KRTCAP3: variants seen among roughly 807,000 people sequenced by gnomAD.
KRTCAP3 encodes keratinocyte associated protein 3, also known as keratinocyte-associated protein 3.
In KRTCAP3, 18 loss-of-function variants were observed where a neutral mutation model predicts 20.5. The ratio of observed to expected loss-of-function variants is 0.88; its 90% CI spans 0.61 to 1.31. The LOEUF is 1.31. Ranked by LOEUF, KRTCAP3 falls within the 50% of genes most tolerant of loss-of-function variation. KRTCAP3 has a pLI of 0.00. For missense variants in KRTCAP3, 347 were observed against 310.4 expected, an observed-to-expected ratio of 1.12 and a Z score of -0.89; for synonymous variants, 167 against 133.7, an observed-to-expected ratio of 1.25 and a Z score of -1.72.
intron 2 of KRTCAP3, 28 bp from the exon 3 acceptor site, chr2:27,442,814 C>A (rs767316976): frequency 5.6e-6 from 9 of 1,611,362 alleles, no homozygotes; most frequent in South Asian, 5.5e-5. Flanking sequence ...GAGAGCCCAG[C>A]AGGCCAAAGG....
downstream of KRTCAP3, chr2:27,446,256 T>G (rs1665087852): frequency 1.2e-6 from 2 of 1,613,832 alleles, no homozygotes; most frequent in Admixed American, 3.3e-5. Flanking sequence ...TTGTCCCAGC[T>G]CACCTTGGCA....
rs1664639303 is a variant in KRTCAP3, at chr2:27,442,398, G to A, written c.-15G>A. 6.4e-7 allele frequency: 1 copy of A among 1,551,040 alleles called. No individual in the cohort carries two copies. The highest frequency in any genetic ancestry group is 2.5e-5 in the East Asian group (1 of 40,784). On this transcript the variant is annotated 5_prime_UTR_variant, in exon 1 of 7. Transcript: ENST00000288873. ...GCCCAGGTACAGCGGCCCTGCGGCTGGCGCGGCGGACGGGATGAGGCGCTG... is the reference window on the plus strand; with the variant it reads ...GCCCAGGTACAGCGGCCCTGCGGCTAGCGCGGCGGACGGGATGAGGCGCTG...
At chr2:27,444,096 G>A (rs1350586483) in intron 6 of KRTCAP3, 35 bp downstream of exon 6, 1 of 1,238,584 alleles carries the variant, frequency 8.1e-7, no homozygotes, top group Non-Finnish European at 1.2e-6. Flanking sequence ...CCGGGTAAGA[G>A]CGGGGACAAG....
chr2:27,445,965 T>A, downstream of KRTCAP3: 1 of 1,614,234 alleles, frequency 6.2e-7, no homozygotes, highest in Non-Finnish European at 8.5e-7. This position sits in a 1 kb window ranked among gnomAD's most constrained non-coding sequence, Gnocchi z 4.4. Context: ...GGAAGATGAA[T>A]GCCATGTTAT....
At chr2:27,443,018 C>T (rs1327109897) in intron 3 of KRTCAP3, 56 bp from the exon 4 acceptor site, 1 of 1,573,038 alleles carries the variant, frequency 6.4e-7, no homozygotes, top group African/African-American at 1.3e-5. Flanking sequence ...GGTGTCTAGT[C>T]ACTGGGAGAG....
intron 1 of KRTCAP3, 61 bp from the exon 2 acceptor site, chr2:27,442,504 CCCGCGGTTAACCCG>C (rs928688667): frequency 6.5e-7 from 1 of 1,539,120 alleles, no homozygotes; most frequent in Non-Finnish European, 8.8e-7. Flanking sequence ...CGTCCTACTG[CCCGCGGTTAACCCG>C]CCGCGAGCCG....
chr2:27,446,114 G>A, downstream of KRTCAP3: 1 of 1,386,452 alleles, frequency 7.2e-7, no homozygotes. Flanking sequence ...GATCCAGGGA[G>A]AAAAATCCAG....
At chr2:27,445,681 A>C, downstream of KRTCAP3, 1 of 1,572,884 alleles carries the variant, frequency 6.4e-7, no homozygotes, top group Non-Finnish European at 8.7e-7. This position sits in a 1 kb window ranked among gnomAD's most constrained non-coding sequence, Gnocchi z 4.4. Flanking sequence ...GCACAAAGAT[A>C]TTCTCCCTCC....
At chr2:27,446,000 A>G, downstream of KRTCAP3, 1 of 1,614,226 alleles carries the variant, frequency 6.2e-7, no homozygotes, top group Non-Finnish European at 8.5e-7. This position sits in a 1 kb window ranked among gnomAD's most constrained non-coding sequence, Gnocchi z 4.4. Context: ...TGCAGCAAAG[A>G]AGAGTTGCAA....
chr2:27,445,417 C>T, downstream of KRTCAP3: 1 of 1,612,064 alleles, frequency 6.2e-7, no homozygotes, highest in African/African-American at 1.3e-5. This position sits in a 1 kb window ranked among gnomAD's most constrained non-coding sequence, Gnocchi z 4.4. Context: ...AGACTGTAAG[C>T]ACCCAGTCTC....
chr2:27,445,544 C>G, downstream of KRTCAP3: 1 of 1,415,040 alleles, frequency 7.1e-7, no homozygotes, highest in South Asian at 1.4e-5. The surrounding 1 kb of genome is among the most constrained non-coding windows in gnomAD (Gnocchi z 4.4). Flanking sequence ...AAGCCCTCAT[C>G]CTGTATACCA....
chr2:27,446,389 A>C (rs376974765), downstream of KRTCAP3: 1 of 1,578,592 alleles, frequency 6.3e-7, no homozygotes, highest in African/African-American at 1.3e-5. Flanking sequence ...TGAATATGGC[A>C]CTAAAGTGAC....
Position 27,442,841 on chromosome 2 carries a change from G to C in KRTCAP3, c.214-1G>C, listed in dbSNP as rs1664700288. ...GGCCAAAGGCTTTGTGTCTTCCACA[G>C]AGCGTTTCCGTGGGACTTGTGGCCC... On this transcript the variant is annotated splice_acceptor_variant, in intron 2 of 6. Transcript: ENST00000288873. LOFTEE classifies it high-confidence loss of function. 13 of 1,611,876 alleles carry C rather than the reference G, an allele frequency of 8.1e-6. No homozygotes were observed. Among genetic ancestry groups the C allele is most frequent in the Non-Finnish European group, 1.1e-5 (13 of 1,180,010 alleles).
chr2:27,446,428 G>A, downstream of KRTCAP3: 3 of 1,307,878 alleles, frequency 2.3e-6, no homozygotes, highest in South Asian at 1.2e-5. Context: ...ATCCTGTAAG[G>A]CAGCCACAGA....
At chr2:27,443,021 T>C in intron 3 of KRTCAP3, 53 bp from the exon 4 acceptor site, 2 of 1,576,616 alleles carry the variant, frequency 1.3e-6, no homozygotes, top group Non-Finnish European at 8.7e-7. Flanking sequence ...GTCTAGTCAC[T>C]GGGAGAGTTA....
At position 27,444,280 on chromosome 2, in the gene KRTCAP3, A is replaced by C; in HGVS notation, c.*100A>C. The C allele has an allele frequency of 1.5e-6, 1 of 653,856 alleles. No homozygotes were observed. Among genetic ancestry groups the C allele is most frequent in the Non-Finnish European group, 2.7e-6 (1 of 373,988 alleles). The allele number at this position is 653,856 out of a possible 1,614,324, so 40.5% of individuals were successfully genotyped here. A position where few individuals can be genotyped will look rare whatever the true frequency, so the allele number is the denominator to read the frequency against. ...ATGAGATAACAAATTGTAATAAAGT[A>C]ACTTCTCTTTTCTTCTACTTGATTA... On this transcript the variant is annotated 3_prime_UTR_variant, in exon 7 of 7. Transcript: ENST00000288873.
chr2:27,442,971 G>A, intron 3 of KRTCAP3, 70 bp downstream of exon 3: 1 of 1,590,712 alleles, frequency 6.3e-7, no homozygotes, highest in South Asian at 1.1e-5. Flanking sequence ...GACTGAGCTT[G>A]GTCTTTCAAT....
downstream of KRTCAP3, chr2:27,446,468 C>T: frequency 1.1e-6 from 1 of 881,588 alleles, no homozygotes; most frequent in South Asian, 1.5e-5. Flanking sequence ...TATTAAACTG[C>T]TCTGGATTCT....
At position 27,443,132 on chromosome 2, in the gene KRTCAP3, T is replaced by G; in HGVS notation, c.332T>G (p.Leu111Arg). The change falls in exon 4 of 7, where the codon CTG becomes CGG. Residue 111 changes from leucine (L) to arginine (R), a missense_variant. Transcript: ENST00000288873. ...CTGCTCTTGTCCGTTGCCTGCTCCC[T>G]GGGCCTCCTTCTTGCTGTGTCACTC... is the stretch of plus-strand genomic sequence containing the variant. ...VNLLLSVACSLGLLLAVSLTV... is the reference protein window; with the variant it reads ...VNLLLSVACSRGLLLAVSLTV... 1 of 1,614,136 alleles carries G rather than the reference T, an allele frequency of 6.2e-7. No homozygotes were observed.
Sources: allele counts gnomAD v4.1 joint callset, GRCh38; gene constraint gnomAD v4.1.1; non-coding constraint Gnocchi (gnomAD v3.1); transcripts MANE v1.5; gene names NCBI Gene and HGNC (gene_info 2026-07-23, HGNC 2026-07-21).